GRID2: variants seen among roughly 807,000 people sequenced by gnomAD.
GRID2 encodes the protein glutamate receptor ionotropic, delta-2.
Under a neutral mutation model 114.8 loss-of-function variants are expected in GRID2, and 33 were observed. The ratio of observed to expected loss-of-function variants is 0.29; its 90% CI spans 0.22 to 0.38. The LOEUF is 0.38. Among genes scored for constraint, GRID2 ranks in the 10% least tolerant of loss-of-function variants. The pLI, the probability that GRID2 is intolerant of heterozygous loss-of-function variation, is 1.00. For missense variants in GRID2, 1,184 were observed against 1,257.7 expected (o/e 0.94, Z 0.89); for synonymous variants, 505 against 449.9 (o/e 1.12, Z -1.55).
intron 8 of GRID2, among the ~76,000 whole-genome samples, chr4:93,268,322 C>G (rs928468593): frequency 9.9e-5 from 15 of 152,104 alleles, no homozygotes; most frequent in Non-Finnish European, 7.4e-5. Flanking sequence ...AGAGAATGAG[C>G]TTTTTGGTCT....
chr4:92,304,843 T>C (rs1725293154), intron 1 of GRID2, 99 bp downstream of exon 1: 4 of 857,986 alleles, frequency 4.7e-6, no homozygotes, highest in Non-Finnish European at 7.9e-6. Context: ...TGTGTCTTGT[T>C]GGAGGTGGCT....
At chr4:92,883,656 A>G (rs1284225581) in intron 2 of GRID2, among the ~76,000 whole-genome samples, 2 of 152,308 alleles carry the variant, frequency 1.3e-5, no homozygotes, top group East Asian at 3.9e-4. Flanking sequence ...CATGAAAACA[A>G]TGTGAGTCTT....
chr4:92,813,291 G>A (rs1578224943), intron 2 of GRID2, among the ~76,000 whole-genome samples: 1 of 152,090 alleles, frequency 6.6e-6, no homozygotes, highest in South Asian at 2.1e-4. Context: ...AGATCAGAAC[G>A]TCAGCATGGC....
At chr4:92,783,981 C>T (rs913343652) in intron 2 of GRID2, among the ~76,000 whole-genome samples, 4 of 151,832 alleles carry the variant, frequency 2.6e-5, no homozygotes, top group African/African-American at 9.7e-5. Context: ...TTTATTTTTG[C>T]TTGCCACTAA....
At chr4:92,666,392 T>A (rs760944392) in intron 2 of GRID2, among the ~76,000 whole-genome samples, 2 of 151,578 alleles carry the variant, frequency 1.3e-5, no homozygotes, top group Non-Finnish European at 3.0e-5. Context: ...AGATCTACTA[T>A]CAGGACTTTC....
intron 4 of GRID2, among the ~76,000 whole-genome samples, chr4:93,127,684 C>T (rs1734403173): frequency 6.6e-6 from 1 of 151,878 alleles, no homozygotes; most frequent in African/African-American, 2.4e-5. Flanking sequence ...AATAGCAAAA[C>T]CAAGTTTAGA....
intron 11 of GRID2, among the ~76,000 whole-genome samples, chr4:93,473,036 T>G (rs1368998097): frequency 6.6e-6 from 1 of 152,242 alleles, no homozygotes; most frequent in Non-Finnish European, 1.5e-5. Context: ...AGTTTCATAC[T>G]GCATGTAATG....
intron 1 of GRID2, among the ~76,000 whole-genome samples, chr4:92,477,721 CCAT>C (rs1166521098): frequency 6.7e-6 from 1 of 148,280 alleles, no homozygotes; most frequent in Non-Finnish European, 1.5e-5. Flanking sequence ...GACAAAATGT[CCAT>C]CAATTAAACA....
At chr4:93,423,336 C>CTTTT (rs554663844) in intron 10 of GRID2, among the ~76,000 whole-genome samples, 1,785 of 73,674 alleles carry the variant, frequency 0.024, 10 homozygotes, top group Middle Eastern at 0.054. Context: ...TTTTTTCTTT[C>CTTTT]TTTTTTTTTT....
At chr4:93,488,547 A>T (rs1485039) in intron 11 of GRID2, among the ~76,000 whole-genome samples, 126,924 of 151,982 alleles carry the variant, frequency 0.84, 53,561 homozygotes, top group African/African-American at 0.96. Flanking sequence ...ACTACATGAA[A>T]GTAGTATTGT....
At chr4:92,547,238 A>G (rs1368490016) in intron 1 of GRID2, among the ~76,000 whole-genome samples, 1 of 152,320 alleles carries the variant, frequency 6.6e-6, no homozygotes, top group East Asian at 1.9e-4. Context: ...ACTATTAAAT[A>G]TGTATACACA....
At chr4:93,669,835 T>C (rs1431131813) in intron 14 of GRID2, among the ~76,000 whole-genome samples, 1 of 152,108 alleles carries the variant, frequency 6.6e-6, no homozygotes, top group Non-Finnish European at 1.5e-5. Context: ...CTGCACCTTC[T>C]CTCTCACACA....
At chr4:93,466,420 C>A (rs1382934157) in intron 11 of GRID2, among the ~76,000 whole-genome samples, 4 of 152,152 alleles carry the variant, frequency 2.6e-5, no homozygotes, top group Non-Finnish European at 4.4e-5. Context: ...TGTTACAGCT[C>A]CATGACTGCC....
rs762455197 is a variant in GRID2, at chr4:92,411,441, A to T, written c.88+106697A>T. Among the ~76,000 whole-genome samples the T allele has an allele frequency of 7.2e-4, 110 of 152,064 alleles. 1 individual carries two copies. The highest frequency in any genetic ancestry group is 1.9e-4 in the Non-Finnish European group (13 of 67,980). ...CCAGCAAAATACAAGGCTTCACTGTATAAACTAAATATGTTACTTTATTCT... is the reference window on the plus strand; with the variant it reads ...CCAGCAAAATACAAGGCTTCACTGTTTAAACTAAATATGTTACTTTATTCT... On this transcript the variant is annotated intron_variant, in intron 1 of 15. Transcript: ENST00000282020.
intron 2 of GRID2, chr4:92,838,990 T>C (rs2149407162): frequency 6.6e-6 from 1 of 152,134 alleles, no homozygotes; most frequent in East Asian, 1.9e-4. Context: ...CATTACAGGG[T>C]CACTCTTTCC....
chr4:93,323,697 T>G lies in GRID2; in HGVS notation c.1246-71910T>G, dbSNP rs921084582. Among the ~76,000 whole-genome samples the G allele has an allele frequency of 6.6e-5, 10 of 152,290 alleles. No individual in the cohort carries two copies. The South Asian group carries it at 2.1e-3, about 32-fold the overall frequency. Reference sequence around the variant, plus strand: ...TCCATGAGCATGGAATGTTCTTCCATTTGTTTGTGTCCTCTTTCATTTCAT... The same window carrying G: ...TCCATGAGCATGGAATGTTCTTCCAGTTGTTTGTGTCCTCTTTCATTTCAT... On this transcript the variant is annotated intron_variant, in intron 8 of 15. Coordinates refer to ENST00000282020, the MANE Select transcript of GRID2 (RefSeq NM_001510.4).
chr4:93,149,550 T>C (rs1385343796), intron 4 of GRID2, among the ~76,000 whole-genome samples: 1 of 149,272 alleles, frequency 6.7e-6, no homozygotes, highest in Non-Finnish European at 1.5e-5. Context: ...CATTCTAGCC[T>C]GTGCAACAAA....
rs1413481418 is a variant in GRID2, at chr4:92,551,725, G to A, written c.89-38406G>A. 3.3e-5 allele frequency among the ~76,000 whole-genome samples: 5 copies of A among 152,178 alleles called. No individual in the cohort carries two copies. In the East Asian group the frequency reaches 5.8e-4, roughly 18 times the overall value. ...TAGTACAAACACAAATAATACCATC[G>A]TTAATAACATCAGACAATTATAAAC... is the stretch of plus-strand genomic sequence containing the variant. On this transcript the variant is annotated intron_variant, in intron 1 of 15. Coordinates refer to ENST00000282020, the MANE Select transcript of GRID2 (RefSeq NM_001510.4).
At position 93,697,867 on chromosome 4, in the gene GRID2, G is replaced by GTATATATATATATATA. The variant is rs1336222146; in HGVS notation, c.2361-71342_2361-71341insATATATATATATATAT. Among the ~76,000 whole-genome samples the GTATATATATATATATA allele has an allele frequency of 4.8e-3, 399 of 83,848 alleles. 4 individuals are homozygous for GTATATATATATATATA. Among genetic ancestry groups the GTATATATATATATATA allele is most frequent in the African/African-American group, 0.013 (385 of 29,402 alleles). The allele number at this position is 83,848 out of a possible 152,430, so 55.0% of individuals were successfully genotyped here. On this transcript the variant is annotated intron_variant, in intron 14 of 15. Transcript: ENST00000282020. ...GCTCAATTTAGTCATTCCACAATGT[G>GTATATATATATATATA]TGTATATATATATTTCAAAACAATA...
Sources: allele counts gnomAD v4.1 joint callset (sites outside exome capture counted in the v4.1 genomes callset), GRCh38; gene constraint gnomAD v4.1.1; transcripts MANE v1.5; gene names NCBI Gene and HGNC (gene_info 2026-07-23, HGNC 2026-07-21).